FUT9: variants seen among roughly 807,000 people sequenced by gnomAD.
The protein encoded by FUT9 is fucosyltransferase 9.
A neutral mutation model predicts 29.7 loss-of-function variants in FUT9; 15 were observed. The ratio of observed to expected loss-of-function variants is 0.51; its 90% CI spans 0.34 to 0.78. The LOEUF is 0.78. FUT9 is among the 30% of genes least tolerant of loss of function. FUT9 has a pLI of 0.01. For missense variants in FUT9, 319 were observed against 425.4 expected (o/e 0.75, Z 2.20); for synonymous variants, 169 against 153.7 (o/e 1.10, Z -0.74).
At chr6:96,201,914 T>G (rs1371867230) in intron 2 of FUT9, among the ~76,000 whole-genome samples, 1 of 151,580 alleles carries the variant, frequency 6.6e-6, no homozygotes, top group Non-Finnish European at 1.5e-5. Flanking sequence ...AAAAACTACA[T>G]AGCAAAAGAA....
At chr6:96,160,030 G>A (rs114663215) in intron 2 of FUT9, among the ~76,000 whole-genome samples, 2 of 152,262 alleles carry the variant, frequency 1.3e-5, no homozygotes, top group Non-Finnish European at 2.9e-5. Context: ...GATAAAATCA[G>A]AGGATAGAAG....
chr6:96,110,012 G>T (rs917629177), intron 1 of FUT9, among the ~76,000 whole-genome samples: 4 of 152,112 alleles, frequency 2.6e-5, no homozygotes, highest in Non-Finnish European at 5.9e-5. Context: ...TGCACTTTGT[G>T]TCTACTCTCC....
At chr6:96,060,258 T>C (rs2493358) in intron 1 of FUT9, among the ~76,000 whole-genome samples, 109,701 of 152,030 alleles carry the variant, frequency 0.72, 40,470 homozygotes, top group African/African-American at 0.89. Context: ...ATATCTAATA[T>C]TAGAATATTC....
intron 2 of FUT9, among the ~76,000 whole-genome samples, chr6:96,140,313 A>G (rs999714335): frequency 2.0e-5 from 3 of 152,192 alleles, no homozygotes; most frequent in African/African-American, 7.2e-5. Context: ...ACTTTCCCAC[A>G]TCTTACTGTC....
rs1562131892 is a variant in FUT9, at chr6:96,120,038, G to A, written c.-9+5911G>A. Among the ~76,000 whole-genome samples the A allele has an allele frequency of 3.3e-5, 5 of 152,014 alleles. No individual in the cohort carries two copies. The South Asian group carries it at 1.0e-3, about 32-fold the overall frequency. ...TCCATTATATATTTAACCCTCATTT[G>A]TTATCTGTTACAATACATAAATATG... On this transcript the variant is annotated intron_variant, in intron 2 of 2. Coordinates refer to ENST00000302103, the MANE Select transcript of FUT9 (RefSeq NM_006581.4).
At chr6:96,094,656 A>G (rs1582225210) in intron 1 of FUT9, among the ~76,000 whole-genome samples, 2 of 152,164 alleles carry the variant, frequency 1.3e-5, no homozygotes, top group East Asian at 3.9e-4. Context: ...GTACTCAAAA[A>G]GTTCTGACAA....
intron 2 of FUT9, among the ~76,000 whole-genome samples, chr6:96,136,091 T>A (rs1772343086): frequency 1.3e-5 from 2 of 151,698 alleles, no homozygotes; most frequent in Admixed American, 1.3e-4. Flanking sequence ...ATTGACTTTT[T>A]CCAATCCTTA....
At chr6:96,157,962 T>C (rs891361969) in intron 2 of FUT9, among the ~76,000 whole-genome samples, 1 of 152,094 alleles carries the variant, frequency 6.6e-6, no homozygotes, top group African/African-American at 2.4e-5. Context: ...TCTAACTCTA[T>C]AATTTTACTT....
chr6:96,061,655 C>G (rs1169942339), intron 1 of FUT9, among the ~76,000 whole-genome samples: 1 of 152,032 alleles, frequency 6.6e-6, no homozygotes, highest in African/African-American at 2.4e-5. Flanking sequence ...ATTCTAAGAT[C>G]TTTTTCCTCT....
At chr6:96,110,758 C>A (rs1562128462) in intron 1 of FUT9, among the ~76,000 whole-genome samples, 1 of 151,744 alleles carries the variant, frequency 6.6e-6, no homozygotes, top group Non-Finnish European at 1.5e-5. Context: ...TGGGCTCAAG[C>A]AATCTTCCCA....
At chr6:96,137,121 T>C (rs989404406) in intron 2 of FUT9, among the ~76,000 whole-genome samples, 1 of 151,950 alleles carries the variant, frequency 6.6e-6, no homozygotes, top group Admixed American at 6.6e-5. Flanking sequence ...ATTCCAGGCA[T>C]ATTATGAGGT....
chr6:96,116,534 T>C (rs182869290), intron 2 of FUT9, among the ~76,000 whole-genome samples: 19 of 152,340 alleles, frequency 1.2e-4, no homozygotes, highest in African/African-American at 3.6e-4. Context: ...ATAACTAATA[T>C]GTTGTCTTCA....
intron 1 of FUT9, among the ~76,000 whole-genome samples, chr6:96,031,011 G>C (rs1354775514): frequency 1.3e-5 from 2 of 151,506 alleles, no homozygotes; most frequent in Non-Finnish European, 3.0e-5. Flanking sequence ...ATATACACTG[G>C]TGGTTTGTAG....
intron 1 of FUT9, among the ~76,000 whole-genome samples, chr6:96,063,491 A>T (rs1015752263): frequency 2.0e-5 from 3 of 152,126 alleles, no homozygotes; most frequent in Non-Finnish European, 4.4e-5. Context: ...TTACCAAGGG[A>T]ATAGCTCAAG....
chr6:96,156,311 T>A (rs1239319087), intron 2 of FUT9, among the ~76,000 whole-genome samples: 1 of 152,174 alleles, frequency 6.6e-6, no homozygotes, highest in Non-Finnish European at 1.5e-5. Flanking sequence ...TTTGGTTCAT[T>A]GCTGGTGATG....
chr6:96,122,829 G>A (rs912821722), intron 2 of FUT9, among the ~76,000 whole-genome samples: 5 of 151,836 alleles, frequency 3.3e-5, no homozygotes, highest in East Asian at 3.9e-4. Context: ...GGTGGATCAC[G>A]AGGTCAGGAG....
intron 2 of FUT9, among the ~76,000 whole-genome samples, chr6:96,176,692 T>C (rs779045090): frequency 2.6e-5 from 4 of 152,196 alleles, no homozygotes; most frequent in Non-Finnish European, 5.9e-5. Context: ...CATCTTCTCA[T>C]CTGCTAACCT....
At chr6:96,151,012 G>C (rs1445724548) in intron 2 of FUT9, among the ~76,000 whole-genome samples, 2 of 152,148 alleles carry the variant, frequency 1.3e-5, no homozygotes, top group Non-Finnish European at 2.9e-5. Context: ...CTACGGCAAG[G>C]AAAAGTGTGA....
chr6:96,166,337 A>C lies in FUT9; in HGVS notation c.-8-36811A>C, dbSNP rs566267039. Among the ~76,000 whole-genome samples, 12 of 152,326 alleles carry C rather than the reference A, an allele frequency of 7.9e-5. No homozygotes were observed. The East Asian group carries it at 1.5e-3, about 20-fold the overall frequency. On this transcript the variant is annotated intron_variant, in intron 2 of 2. Coordinates refer to ENST00000302103, the MANE Select transcript of FUT9 (RefSeq NM_006581.4). ...TAGTCTATACATTGTCAGTTGTTCAAACATTATCTTACTAGTGTAATACAG... is the reference window on the plus strand; with the variant it reads ...TAGTCTATACATTGTCAGTTGTTCACACATTATCTTACTAGTGTAATACAG...
Sources: allele counts gnomAD v4.1 joint callset (sites outside exome capture counted in the v4.1 genomes callset), GRCh38; gene constraint gnomAD v4.1.1; transcripts MANE v1.5; gene names NCBI Gene and HGNC (gene_info 2026-07-23, HGNC 2026-07-21).